SHANK2: variants seen among roughly 807,000 people sequenced by gnomAD.
The protein encoded by SHANK2 is SH3 and multiple ankyrin repeat domains 2, also known as SH3 and multiple ankyrin repeat domains protein 2.
Under a neutral mutation model 133.7 loss-of-function variants are expected in SHANK2, and 43 were observed. The ratio of observed to expected loss-of-function variants is 0.32; its 90% CI spans 0.25 to 0.41. SHANK2 has a LOEUF of 0.41. SHANK2 is among the 10% of genes least tolerant of loss of function. The pLI, the probability that SHANK2 is intolerant of heterozygous loss-of-function variation, is 1.00. For synonymous variants in SHANK2, 1,017 were observed against 952.8 expected, an observed-to-expected ratio of 1.07 and a Z score of -1.24; for missense variants, 1,994 against 2,235.8, an observed-to-expected ratio of 0.89 and a Z score of 2.18.
chr11:70,737,405 C>T (rs1946427728), intron 14 of SHANK2, among the ~76,000 whole-genome samples: 1 of 152,188 alleles, frequency 6.6e-6, no homozygotes, highest in African/African-American at 2.4e-5. Context: ...GTGCCCTCTG[C>T]ACCTGGGACA....
chr11:70,649,709 A>G (rs1555009588), intron 17 of SHANK2, among the ~76,000 whole-genome samples: 2 of 152,192 alleles, frequency 1.3e-5, no homozygotes, highest in South Asian at 4.1e-4. Context: ...TGGCGCCAGC[A>G]GCTTCCAACA....
At chr11:70,918,551 G>A (rs1427118488) in intron 10 of SHANK2, among the ~76,000 whole-genome samples, 1 of 152,134 alleles carries the variant, frequency 6.6e-6, no homozygotes, top group African/African-American at 2.4e-5. Flanking sequence ...CTTCCAGACT[G>A]ATGGAATGCA....
intron 11 of SHANK2, among the ~76,000 whole-genome samples, chr11:70,860,062 C>T (rs1381713910): frequency 1.3e-5 from 2 of 152,142 alleles, no homozygotes; most frequent in Non-Finnish European, 2.9e-5. Flanking sequence ...AGCAAACATC[C>T]CCACCTCCAA....
intron 10 of SHANK2, chr11:70,952,670 G>A (rs1438492851): frequency 9.3e-6 from 3 of 322,724 alleles, no homozygotes; most frequent in South Asian, 2.4e-5. Flanking sequence ...AGCTGCTGAC[G>A]ATTTTCATGC....
intron 17 of SHANK2, among the ~76,000 whole-genome samples, chr11:70,609,394 G>A (rs1364310224): frequency 6.6e-6 from 1 of 152,202 alleles, no homozygotes; most frequent in Admixed American, 6.5e-5. Context: ...GAAGAAACCA[G>A]CATGGGTCAC....
chr11:70,822,138 G>A (rs1555056079), intron 11 of SHANK2, among the ~76,000 whole-genome samples: 1 of 152,238 alleles, frequency 6.6e-6, no homozygotes, highest in African/African-American at 2.4e-5. Context: ...CCATCACTGG[G>A]GGGCCAAAGG....
At chr11:70,559,776 G>C (rs1318099612) in intron 17 of SHANK2, among the ~76,000 whole-genome samples, 1 of 152,038 alleles carries the variant, frequency 6.6e-6, no homozygotes, top group East Asian at 1.9e-4. Flanking sequence ...CTGCCCAAAT[G>C]GTAGATGATC....
chr11:71,150,842 G>A (rs1429644888), intron 2 of SHANK2, among the ~76,000 whole-genome samples: 1 of 152,074 alleles, frequency 6.6e-6, no homozygotes, highest in Non-Finnish European at 1.5e-5. Context: ...GACAGCACGA[G>A]CCAAGAAAAG....
chr11:71,134,189 G>A (rs1555104340), intron 3 of SHANK2, among the ~76,000 whole-genome samples: 1 of 151,800 alleles, frequency 6.6e-6, no homozygotes, highest in Non-Finnish European at 1.5e-5. Context: ...GCAAAGAACT[G>A]AGACAAGGCT....
intron 11 of SHANK2, chr11:70,863,964 G>C (rs886234255): frequency 2.4e-6 from 1 of 416,496 alleles, no homozygotes; most frequent in Admixed American, 2.9e-5. Flanking sequence ...AAACCACCCA[G>C]TTTTTGATAC....
At chr11:71,150,410 G>A (rs1447333253) in intron 2 of SHANK2, among the ~76,000 whole-genome samples, 3 of 142,452 alleles carry the variant, frequency 2.1e-5, no homozygotes, top group Admixed American at 1.4e-4. Flanking sequence ...GAGGGACAGG[G>A]AGGGAGGAAG....
rs1555113009 is a variant in SHANK2, at chr11:71,175,595, A to C, written c.-12-28257T>G. Among the ~76,000 whole-genome samples, 1 of 146,548 alleles carries C rather than the reference A, an allele frequency of 6.8e-6. No homozygotes were observed. Among genetic ancestry groups the C allele is most frequent in the African/African-American group, 2.5e-5 (1 of 39,402 alleles). ...GAGAGAGAGAGAGAGAGAGAGAGAG[A>C]GAGAGAGACAGAGACAGAGACATCG... On this transcript the variant is annotated intron_variant, in intron 2 of 25. Coordinates refer to ENST00000601538, the MANE Select transcript of SHANK2 (RefSeq NM_012309.5). The surrounding 1 kb of genome is among the most constrained non-coding windows in gnomAD (Gnocchi z 4.2).
intron 11 of SHANK2, among the ~76,000 whole-genome samples, chr11:70,885,078 T>G (rs1315417400): frequency 6.6e-6 from 1 of 152,180 alleles, no homozygotes; most frequent in Non-Finnish European, 1.5e-5. Context: ...GAGTTTCATT[T>G]GAGGATAATG....
At chr11:71,180,503 G>T (rs1423441111) in intron 2 of SHANK2, among the ~76,000 whole-genome samples, 1 of 152,070 alleles carries the variant, frequency 6.6e-6, no homozygotes, top group African/African-American at 2.4e-5. Flanking sequence ...CCATCTAACA[G>T]CGCTTTGTAC....
chr11:70,729,379 G>A (rs989363567), intron 14 of SHANK2, among the ~76,000 whole-genome samples: 2 of 152,246 alleles, frequency 1.3e-5, no homozygotes, highest in African/African-American at 4.8e-5. Flanking sequence ...AGGGACTGGG[G>A]GCTGGGGGAA....
At chr11:70,578,503 G>A (rs11236715) in intron 17 of SHANK2, among the ~76,000 whole-genome samples, 32,882 of 152,134 alleles carry the variant, frequency 0.22, 4,041 homozygotes, top group East Asian at 0.46. Flanking sequence ...CCAAGAGCTC[G>A]TGGCCACGAC....
intron 2 of SHANK2, among the ~76,000 whole-genome samples, chr11:71,149,527 A>C (rs188858929): frequency 6.6e-6 from 1 of 150,662 alleles, no homozygotes; most frequent in East Asian, 2.0e-4. Flanking sequence ...CTCTTCACTG[A>C]CGGGTGCTCT....
At chr11:71,208,470 G>A (rs1343394058) in intron 2 of SHANK2, among the ~76,000 whole-genome samples, 1 of 152,086 alleles carries the variant, frequency 6.6e-6, no homozygotes, top group African/African-American at 2.4e-5. Flanking sequence ...ATAGCTCCAG[G>A]GGACATTACG....
At chr11:70,580,735 G>A (rs1322949105) in intron 17 of SHANK2, among the ~76,000 whole-genome samples, 1 of 152,258 alleles carries the variant, frequency 6.6e-6, no homozygotes, top group Non-Finnish European at 1.5e-5. Context: ...CCAGAGCCAG[G>A]GCTGGGGCAG....
Sources: gnomAD v4.1 joint callset for allele counts (sites outside exome capture counted in the v4.1 genomes callset) on GRCh38, gnomAD v4.1.1 for gene constraint, Gnocchi (gnomAD v3.1) non-coding constraint, MANE v1.5 for transcripts, NCBI Gene and HGNC (gene_info 2026-07-23, HGNC 2026-07-21) for gene names.